The following CEMIP2 variants were observed in gnomAD, a reference collection of about 807,000 sequenced individuals.
The protein encoded by CEMIP2 is cell surface hyaluronidase CEMIP2.
Under a neutral mutation model 146.9 loss-of-function variants are expected in CEMIP2, and 79 were observed. That is an observed-to-expected ratio of 0.54 (90% CI 0.45 to 0.65). The LOEUF (loss-of-function observed/expected upper bound fraction) is 0.65. CEMIP2 is among the 30% of genes least tolerant of loss of function. The pLI, the probability that CEMIP2 is intolerant of heterozygous loss-of-function variation, is 0.00. For missense variants in CEMIP2, 1,596 were observed against 1,696.2 expected, an observed-to-expected ratio of 0.94 and a Z score of 1.04; for synonymous variants, 601 against 606.3, an observed-to-expected ratio of 0.99 and a Z score of 0.13.
At chr9:71,762,466 T>C (rs2132046122) in intron 1 of CEMIP2, among the ~76,000 whole-genome samples, 1 of 114,574 alleles carries the variant, frequency 8.7e-6, no homozygotes, top group East Asian at 3.0e-4. Context: ...CACTCCAGCC[T>C]GGGTAACCTA....
intron 1 of CEMIP2, among the ~76,000 whole-genome samples, chr9:71,767,009 A>G (rs543083853): frequency 1.3e-5 from 2 of 152,344 alleles, no homozygotes; most frequent in African/African-American, 2.4e-5. Flanking sequence ...CATGCCTACT[A>G]CACATTCTTC....
chr9:71,697,845 A>G, intron 20 of CEMIP2, 140 bp downstream of exon 20: 1 of 822,296 alleles, frequency 1.2e-6, no homozygotes, highest in Non-Finnish European at 1.9e-6. Flanking sequence ...TTCACATTTT[A>G]GCATGGGCCA....
chr9:71,709,443 C>T lies in CEMIP2; in HGVS notation c.2801G>A (p.Gly934Asp). 6.2e-7 allele frequency: 1 copy of T among 1,614,134 alleles called. No homozygotes were observed. Among genetic ancestry groups the T allele is most frequent in the Non-Finnish European group, 8.5e-7 (1 of 1,180,010 alleles). ...CATCTCACAATCTTCAAACCAGGGA[C>T]CAGGCTTTCCAAAAAAGACATTCAG... ...VSLNVFFGKP[G>D]PWFEDCEMDG... Residue 934 changes from glycine (G) to aspartate (D), a missense_variant, in exon 17 of 24, where the codon GGT becomes GAT. Coordinates refer to ENST00000377044, the MANE Select transcript of CEMIP2 (RefSeq NM_013390.3).
chr9:71,719,787 A>AAT (rs1389360523), intron 12 of CEMIP2, among the ~76,000 whole-genome samples: 1 of 150,670 alleles, frequency 6.6e-6, no homozygotes, highest in Non-Finnish European at 1.5e-5. Flanking sequence ...GTCATTACAT[A>AAT]ATAGTAAGCA....
At chr9:71,744,927 C>T in intron 4 of CEMIP2, 91 bp downstream of exon 4, 1 of 1,382,108 alleles carries the variant, frequency 7.2e-7, no homozygotes, top group Non-Finnish European at 9.8e-7. Context: ...ATGCCTGAGT[C>T]ATGCTGTGGC....
At chr9:71,706,983 C>T (rs948166897) in intron 17 of CEMIP2, among the ~76,000 whole-genome samples, 3 of 152,222 alleles carry the variant, frequency 2.0e-5, no homozygotes, top group Admixed American at 6.5e-5. Flanking sequence ...TGCCCACCAC[C>T]ACGCCTGGCT....
rs75489983 is a variant in CEMIP2 at position 71,727,603 on chromosome 9, T to C, written c.2050-1894A>G. Among the ~76,000 whole-genome samples, 1,429 of 152,340 alleles carry C rather than the reference T, an allele frequency of 9.4e-3. 11 individuals are homozygous for C. The highest frequency in any genetic ancestry group is 0.015 in the Non-Finnish European group (1,039 of 68,024). On this transcript the variant is annotated intron_variant, in intron 10 of 23. Transcript: ENST00000377044. The stretch of plus-strand genomic sequence containing the variant: ...TCAAATAAATACTCCCTTCAACTAA[T>C]CTTTTGCTTCATCTTAGCAAACAAT...
chr9:71,710,749 G>A (rs898977396), intron 16 of CEMIP2, among the ~76,000 whole-genome samples: 1 of 152,102 alleles, frequency 6.6e-6, no homozygotes, highest in Non-Finnish European at 1.5e-5. Flanking sequence ...CTCCGTACTG[G>A]ACAGGGGATC....
At chr9:71,748,511 A>T (rs1824152381) in intron 2 of CEMIP2, among the ~76,000 whole-genome samples, 1 of 152,198 alleles carries the variant, frequency 6.6e-6, no homozygotes, top group African/African-American at 2.4e-5. Context: ...CCTGTTTTAG[A>T]TGGAATATGA....
At chr9:71,754,655 T>C (rs1824369094) in intron 1 of CEMIP2, among the ~76,000 whole-genome samples, 1 of 152,190 alleles carries the variant, frequency 6.6e-6, no homozygotes. Context: ...ATTGGCAATG[T>C]ACTCTACAAA....
Position 71,714,941 on chromosome 9 carries a change from T to G in CEMIP2, c.2584A>C (p.Arg862=), listed in dbSNP as rs1242052768. Residue 862 remains arginine (R), a synonymous_variant, in exon 15 of 24, where the codon AGG becomes CGG. Transcript: ENST00000377044. ...AGCTAAAGCAATGCTTACCTGTTCC[T>G]GGGTAATGTTCGAGGCTTCTGGTCT... ...GIDQKPRTLP[R]NRTFPIRGFQ... is the part of the protein sequence containing the mutation. 6.2e-7 allele frequency: 1 copy of G among 1,613,162 alleles called. No individual in the cohort carries two copies. Among genetic ancestry groups the G allele is most frequent in the African/African-American group, 1.3e-5 (1 of 74,970 alleles).
intron 1 of CEMIP2, among the ~76,000 whole-genome samples, chr9:71,764,720 A>C (rs779733021): frequency 2.0e-5 from 3 of 152,196 alleles, no homozygotes; most frequent in Admixed American, 6.5e-5. Flanking sequence ...CAATTTATTA[A>C]AATGTCAGAT....
intron 21 of CEMIP2, among the ~76,000 whole-genome samples, chr9:71,692,297 A>ATTTTT: frequency 1.3e-5 from 1 of 78,896 alleles, no homozygotes; most frequent in East Asian, 4.1e-4. Context: ...CCTGCCTGAT[A>ATTTTT]TTTTTTTTTT....
chr9:71,740,816 T>C (rs1046234592), intron 4 of CEMIP2, among the ~76,000 whole-genome samples: 11 of 151,988 alleles, frequency 7.2e-5, no homozygotes, highest in Non-Finnish European at 1.2e-4. Flanking sequence ...AACATGCAGT[T>C]AGGCTTAAAA....
chr9:71,684,624 A>C lies in CEMIP2; in HGVS notation c.*573T>G, dbSNP rs1821999509. The C allele has an allele frequency of 6.6e-6, 1 of 152,662 alleles. No individual in the cohort carries two copies. 9.5% of individuals were successfully genotyped at this position (152,662 alleles called of 1,614,324 possible). On this transcript the variant is annotated 3_prime_UTR_variant, in exon 24 of 24. Transcript: ENST00000377044. The stretch of plus-strand genomic sequence containing the variant: ...TAACCCTTACAAGTAATTGATATAT[A>C]AGTGAATAAAAATAGCACATGTCCA...
chr9:71,719,812 G>A (rs908126426), intron 12 of CEMIP2, among the ~76,000 whole-genome samples: 31 of 127,766 alleles, frequency 2.4e-4, no homozygotes, highest in African/African-American at 8.5e-4. Flanking sequence ...GAAGAGTTCC[G>A]GAACGGAGAC....
In CEMIP2 at chr9:71,730,242, G is replaced by C. The variant is rs25694; in HGVS notation, c.1785C>G (p.Thr595=). The C allele has an allele frequency of 1.2e-6, 2 of 1,613,618 alleles. No homozygotes were observed. The highest frequency in any genetic ancestry group is 1.7e-5 in the Admixed American group (1 of 59,972). Residue 595 remains threonine, a synonymous_variant, in exon 9 of 24, where the codon ACC becomes ACG. Coordinates refer to ENST00000377044, the MANE Select transcript of CEMIP2 (RefSeq NM_013390.3). ...HGTNGLLIKD[T]IGFDTLGHCF... is the part of the protein sequence containing the mutation. Reference sequence around the variant, plus strand: ...AATGACCTAGTGTGTCAAACCCAATGGTGTCTTTTATCTGCAGAAATAAAA... The same window carrying C: ...AATGACCTAGTGTGTCAAACCCAATCGTGTCTTTTATCTGCAGAAATAAAA...
intron 17 of CEMIP2, 92 bp from the exon 18 acceptor site, chr9:71,704,895 T>G: frequency 8.2e-7 from 1 of 1,224,412 alleles, no homozygotes; most frequent in Non-Finnish European, 1.2e-6. Flanking sequence ...GTCTCAACTT[T>G]GAAAAGGGAG....
intron 17 of CEMIP2, among the ~76,000 whole-genome samples, chr9:71,705,419 C>A (rs760041250): frequency 1.3e-5 from 2 of 152,060 alleles, no homozygotes; most frequent in Non-Finnish European, 2.9e-5. Flanking sequence ...AAAGCCATCC[C>A]CAAATGTATC....
Sources: gnomAD v4.1 joint callset for allele counts (sites outside exome capture counted in the v4.1 genomes callset) on GRCh38, gnomAD v4.1.1 for gene constraint, MANE v1.5 for transcripts, NCBI Gene and HGNC (gene_info 2026-07-23, HGNC 2026-07-21) for gene names.